ODF2: variants seen among roughly 807,000 people sequenced by gnomAD.
The protein encoded by ODF2 is outer dense fiber protein 2.
In ODF2, 47 loss-of-function variants were observed where a neutral mutation model predicts 110.2. The ratio of observed to expected loss-of-function variants is 0.43; its 90% CI spans 0.34 to 0.54. ODF2 has a LOEUF of 0.54. Among genes scored for constraint, ODF2 ranks in the 20% least tolerant of loss-of-function variants. ODF2 has a pLI of 0.03. For synonymous variants in ODF2, 352 were observed against 397.7 expected (o/e 0.89, Z 1.37); for missense variants, 812 against 1,054.5 (o/e 0.77, Z 3.19).
At chr9:128,471,504 TCCTC>T (rs1272846691) in intron 6 of ODF2, 36 bp downstream of exon 6, 1 of 1,600,856 alleles carries the variant, frequency 6.2e-7, no homozygotes, top group African/African-American at 1.3e-5. Flanking sequence ...GCTGATCTAT[TCCTC>T]CCTACCAGGC....
Position 128,475,732 on chromosome 9 carries a change from G to A in ODF2, c.843+1991G>A, listed in dbSNP as rs564074029. ...GCGATCTCTGTTCACTGCAACCTCC[G>A]CCTCCCGGTTTCAAGTGATTCTCCT... On this transcript the variant is annotated intron_variant, in intron 8 of 20. Transcript: ENST00000604420. 1.1e-3 allele frequency among the ~76,000 whole-genome samples: 171 copies of A among 151,668 alleles called. 1 individual carries two copies. Among genetic ancestry groups the A allele is most frequent in the Middle Eastern group, 3.4e-3 (1 of 294 alleles).
At chr9:128,490,703 C>T (rs915441497) in intron 14 of ODF2, among the ~76,000 whole-genome samples, 1 of 152,016 alleles carries the variant, frequency 6.6e-6, no homozygotes, top group African/African-American at 2.4e-5. Context: ...TCTAGATTAT[C>T]CCCCAGTACT....
At position 128,495,000 on chromosome 9, in the gene ODF2, C is replaced by T. The variant is rs981016095; in HGVS notation, c.1911+332C>T. On this transcript the variant is annotated intron_variant, in intron 17 of 20. Transcript: ENST00000604420. The surrounding 1 kb of genome is among the most constrained non-coding windows in gnomAD (Gnocchi z 4.6). ...ACAGCTGGGAGATGCCAGCAGACAC[C>T]GAGCCGTAGAATTTCTTTTTTTCTC... 2.6e-5 allele frequency among the ~76,000 whole-genome samples: 4 copies of T among 152,178 alleles called. No individual in the cohort carries two copies. Among genetic ancestry groups the T allele is most frequent in the Non-Finnish European group, 5.9e-5 (4 of 68,034 alleles).
chr9:128,456,858 C>G (rs948280497), intron 1 of ODF2: 2 of 1,307,888 alleles, frequency 1.5e-6, no homozygotes, highest in South Asian at 3.8e-5. Flanking sequence ...CCCGTGCAAC[C>G]TCCGCGCCTC....
At chr9:128,491,234 G>A (rs1844475259) in intron 14 of ODF2, among the ~76,000 whole-genome samples, 1 of 151,864 alleles carries the variant, frequency 6.6e-6, no homozygotes, top group African/African-American at 2.4e-5. Flanking sequence ...TAGTAGAGAT[G>A]AGGTTTCACC....
intron 8 of ODF2, among the ~76,000 whole-genome samples, chr9:128,478,557 C>T (rs928767469): frequency 1.3e-5 from 2 of 150,274 alleles, no homozygotes; most frequent in African/African-American, 4.9e-5. Context: ...AAGATCATGC[C>T]ACTGCACTCC....
intron 6 of ODF2, 57 bp from the exon 7 acceptor site, chr9:128,472,856 G>T: frequency 6.2e-7 from 1 of 1,609,222 alleles, no homozygotes. Flanking sequence ...GCAAGCCTTG[G>T]ATCTCTGGGC....
At chr9:128,482,930 T>G (rs369132871) in intron 10 of ODF2, 43 bp downstream of exon 10, 7 of 1,511,476 alleles carry the variant, frequency 4.6e-6, no homozygotes, top group East Asian at 2.3e-5. Flanking sequence ...GGAGTCTCGC[T>G]CTGTCGCCAG....
At chr9:128,473,527 G>A in intron 7 of ODF2, 83 bp from the exon 8 acceptor site, 1 of 1,570,310 alleles carries the variant, frequency 6.4e-7, no homozygotes, top group Non-Finnish European at 8.6e-7. Flanking sequence ...TGGGCTTTCT[G>A]GCACCAGACC....
chr9:128,456,070 C>T (rs894349463), upstream of ODF2: 1 of 1,520,118 alleles, frequency 6.6e-7, no homozygotes, highest in Non-Finnish European at 8.8e-7. Flanking sequence ...CAAGCGGCTC[C>T]CGGGGGGGTT....
intron 8 of ODF2, among the ~76,000 whole-genome samples, chr9:128,476,691 G>A (rs1841349220): frequency 6.7e-6 from 1 of 149,514 alleles, no homozygotes; most frequent in African/African-American, 2.5e-5. Flanking sequence ...AGGCTAGAGT[G>A]CAGTGGCACG....
upstream of ODF2, among the ~76,000 whole-genome samples, chr9:128,455,659 CAG>C (rs1399725539): frequency 7.7e-6 from 1 of 129,568 alleles, no homozygotes; most frequent in Non-Finnish European, 1.5e-5. Flanking sequence ...GGGGCCAAGA[CAG>C]AGGCGATGTG....
At chr9:128,486,930 G>A (rs924236423) in intron 13 of ODF2, among the ~76,000 whole-genome samples, 2 of 152,152 alleles carry the variant, frequency 1.3e-5, no homozygotes, top group Non-Finnish European at 2.9e-5. Context: ...TTCCAGAAGC[G>A]TCTGTCCTAA....
chr9:128,492,457 A>G, exon 15 of ODF2: 2 of 1,614,050 alleles, frequency 1.2e-6, no homozygotes, highest in South Asian at 1.1e-5. Flanking sequence ...GACAAACTCA[A>G]CCAGGCACAC....
chr9:128,459,289 A>G (rs1225513040), intron 2 of ODF2, among the ~76,000 whole-genome samples: 1 of 152,236 alleles, frequency 6.6e-6, no homozygotes, highest in African/African-American at 2.4e-5. Context: ...GTCATCTGAC[A>G]GGATGTCAGC....
intron 14 of ODF2, among the ~76,000 whole-genome samples, chr9:128,491,953 G>A (rs983583840): frequency 2.7e-5 from 4 of 146,338 alleles, no homozygotes; most frequent in Admixed American, 7.1e-5. Flanking sequence ...TGCAAGCTCC[G>A]CTTTCGGGTT....
chr9:128,500,110 G>A lies in ODF2; in HGVS notation c.2345G>A (p.Arg782His), dbSNP rs201020349. ...AGCCGGCTGCAAGACCTGAAAGATCGCCTGGAGCAGTCCGAGAGCACCAAC... is the reference window on the plus strand; with the variant it reads ...AGCCGGCTGCAAGACCTGAAAGATCACCTGGAGCAGTCCGAGAGCACCAAC... The change falls in exon 21 of 21, where the codon CGC (arginine) becomes CAC (histidine). Residue 782 changes from arginine to histidine, a missense_variant. By Grantham distance (29) the Arg-to-His change is conservative (BLOSUM62 0). Coordinates refer to ENST00000604420, the Ensembl canonical transcript of ODF2. The A allele has an allele frequency of 4.1e-4, 665 of 1,614,120 alleles. 1 individual carries two copies. The highest frequency in any genetic ancestry group is 7.7e-4 in the Admixed American group (46 of 60,012).
intron 4 of ODF2, among the ~76,000 whole-genome samples, chr9:128,461,803 C>T (rs1193998503): frequency 6.6e-6 from 1 of 152,114 alleles, no homozygotes; most frequent in Non-Finnish European, 1.5e-5. Context: ...ACAAAAGTAA[C>T]TCCTTGAAGT....
intron 6 of ODF2, among the ~76,000 whole-genome samples, chr9:128,472,084 G>T (rs1445534969): frequency 6.6e-6 from 1 of 152,146 alleles, no homozygotes; most frequent in Non-Finnish European, 1.5e-5. Flanking sequence ...TTCGAGACCA[G>T]CCTGGCCAAC....
Sources: allele counts gnomAD v4.1 joint callset (sites outside exome capture counted in the v4.1 genomes callset), GRCh38; gene constraint gnomAD v4.1.1; non-coding constraint Gnocchi (gnomAD v3.1); transcripts MANE v1.5; gene names NCBI Gene and HGNC (gene_info 2026-07-23, HGNC 2026-07-21).